KCNH1: variants seen among roughly 807,000 people sequenced by gnomAD.
KCNH1 encodes the protein potassium voltage-gated channel subfamily H member 1, also known as voltage-gated delayed rectifier potassium channel KCNH1.
Under a neutral mutation model 69.2 loss-of-function variants are expected in KCNH1, and 27 were observed. The observed-to-expected ratio is 0.39, with a 90% CI of 0.29 to 0.54. The LOEUF is 0.54. KCNH1 is among the 20% of genes least tolerant of loss of function. The pLI is 0.68. For synonymous variants in KCNH1, 456 were observed against 487.7 expected (o/e 0.93, Z 0.86); for missense variants, 798 against 1,261.6 (o/e 0.63, Z 5.57).
chr1:210,860,309 C>G (rs997002011), intron 7 of KCNH1: 1 of 1,348,294 alleles, frequency 7.4e-7, no homozygotes, highest in Non-Finnish European at 1.1e-6. Context: ...AGGCTATGCG[C>G]TAAAGAGATG....
intron 6 of KCNH1, among the ~76,000 whole-genome samples, chr1:211,004,277 T>G (rs1022022670): frequency 6.6e-5 from 10 of 151,916 alleles, no homozygotes; most frequent in African/African-American, 2.4e-4. Context: ...ATTTACCAGA[T>G]GGAAGGTAGA....
chr1:211,054,357 G>A (rs909455569), intron 5 of KCNH1, among the ~76,000 whole-genome samples: 16 of 152,006 alleles, frequency 1.1e-4, no homozygotes, highest in African/African-American at 3.6e-4. Context: ...GTTAAGCTAT[G>A]ATTTCAGAGA....
intron 9 of KCNH1, among the ~76,000 whole-genome samples, chr1:210,789,593 T>C (rs542329548): frequency 6.6e-6 from 1 of 152,366 alleles, no homozygotes; most frequent in East Asian, 1.9e-4. Context: ...ATGTTGACTC[T>C]CTCAATACCC....
intron 7 of KCNH1, among the ~76,000 whole-genome samples, chr1:210,895,672 C>G (rs1273976491): frequency 6.6e-6 from 1 of 151,822 alleles, no homozygotes; most frequent in African/African-American, 2.4e-5. Flanking sequence ...GGTCTACAGA[C>G]AGACATCAGG....
intron 7 of KCNH1, among the ~76,000 whole-genome samples, chr1:210,887,743 A>AGG: frequency 1.5e-5 from 2 of 134,300 alleles, no homozygotes; most frequent in Non-Finnish European, 3.2e-5. Flanking sequence ...AAAAAAAAAA[A>AGG]AGCAGGGGTG....
intron 7 of KCNH1, among the ~76,000 whole-genome samples, chr1:210,851,427 G>C (rs763736697): frequency 6.6e-6 from 1 of 152,218 alleles, no homozygotes; most frequent in Non-Finnish European, 1.5e-5. Flanking sequence ...CACTGGATTT[G>C]AGAGTCAGGA....
At chr1:210,940,470 A>G (rs188367431) in intron 6 of KCNH1, among the ~76,000 whole-genome samples, 18 of 152,346 alleles carry the variant, frequency 1.2e-4, no homozygotes, top group Admixed American at 1.0e-3. Flanking sequence ...TACTGAGTGT[A>G]AAGAGAGCTT....
intron 5 of KCNH1, among the ~76,000 whole-genome samples, chr1:211,051,004 G>GTTGTTGTTGTTGTTT (rs1334257048): frequency 1.3e-5 from 2 of 151,630 alleles, no homozygotes; most frequent in African/African-American, 4.8e-5. Context: ...TGTTGTTGTT[G>GTTGTTGTTGTTGTTT]TTGTTGTTTT....
intron 9 of KCNH1, 24 bp downstream of exon 9, chr1:210,797,484 C>T: frequency 1.2e-6 from 2 of 1,611,026 alleles, no homozygotes; most frequent in African/African-American, 1.3e-5. Flanking sequence ...ATACCTTTGC[C>T]CATCCAGCAA....
chr1:210,822,285 G>A (rs923225732), intron 7 of KCNH1, among the ~76,000 whole-genome samples: 1 of 152,086 alleles, frequency 6.6e-6, no homozygotes, highest in Non-Finnish European at 1.5e-5. Context: ...AACTGATTCA[G>A]AGCCCTGGGA....
At chr1:210,708,026 A>C (rs1183276957) in intron 10 of KCNH1, among the ~76,000 whole-genome samples, 1 of 152,214 alleles carries the variant, frequency 6.6e-6, no homozygotes, top group Non-Finnish European at 1.5e-5. Context: ...GTATAATAGC[A>C]TGTCATGCAG....
At chr1:211,092,981 T>C (rs1004574102) in intron 3 of KCNH1, among the ~76,000 whole-genome samples, 5 of 152,090 alleles carry the variant, frequency 3.3e-5, no homozygotes, top group African/African-American at 4.8e-5. Context: ...TGTCATCTGA[T>C]TTATTACTAA....
At chr1:210,926,339 C>T (rs1687573905) in intron 6 of KCNH1, among the ~76,000 whole-genome samples, 1 of 152,148 alleles carries the variant, frequency 6.6e-6, no homozygotes, top group Non-Finnish European at 1.5e-5. Flanking sequence ...TCCACTGGAG[C>T]AGGCACTGGT....
chr1:210,824,121 C>T (rs1416800291), intron 7 of KCNH1, among the ~76,000 whole-genome samples: 2 of 149,472 alleles, frequency 1.3e-5, no homozygotes, highest in Admixed American at 6.8e-5. Flanking sequence ...GGTTTCTAAA[C>T]CTTTGTTCCC....
intron 6 of KCNH1, among the ~76,000 whole-genome samples, chr1:210,999,628 T>A (rs1484265072): frequency 1.1e-4 from 17 of 152,064 alleles, no homozygotes; most frequent in African/African-American, 2.2e-4. Flanking sequence ...TATTCCAATG[T>A]AAAGAAAAAG....
chr1:210,812,989 C>T (rs1684737925), intron 7 of KCNH1, among the ~76,000 whole-genome samples: 1 of 152,174 alleles, frequency 6.6e-6, no homozygotes, highest in South Asian at 2.1e-4. Context: ...TCCCTCTGTT[C>T]CTGTCAATCT....
chr1:210,711,486 T>C (rs920454737), intron 10 of KCNH1, among the ~76,000 whole-genome samples: 1 of 152,138 alleles, frequency 6.6e-6, no homozygotes, highest in Non-Finnish European at 1.5e-5. Flanking sequence ...TCCTCAGAGA[T>C]GCCAGCCTCT....
chr1:210,718,322 A>G (rs1426467427), intron 10 of KCNH1, among the ~76,000 whole-genome samples: 1 of 130,610 alleles, frequency 7.7e-6, no homozygotes. Flanking sequence ...GTGTATATAA[A>G]TATATATAAA....
intron 7 of KCNH1, chr1:210,859,058 C>T: frequency 1.4e-5 from 7 of 485,900 alleles, no homozygotes; most frequent in South Asian, 4.4e-5. Context: ...GATTTTTTTT[C>T]TGTCCATCTA....
Sources: gnomAD v4.1 joint callset for allele counts (sites outside exome capture counted in the v4.1 genomes callset) on GRCh38, gnomAD v4.1.1 for gene constraint, MANE v1.5 for transcripts, NCBI Gene and HGNC (gene_info 2026-07-23, HGNC 2026-07-21) for gene names.